The following JMJD1C variants were observed in gnomAD, a reference collection of about 807,000 sequenced individuals.
JMJD1C encodes the protein jumonji domain-containing protein 1C.
A neutral mutation model predicts 245.3 loss-of-function variants in JMJD1C; 31 were observed. That is an observed-to-expected ratio of 0.13 (90% CI 0.09 to 0.17). The LOEUF (loss-of-function observed/expected upper bound fraction) is 0.17, where lower values mean the gene tolerates loss of function less well. Ranked by LOEUF, JMJD1C falls within the 10% of genes least tolerant of loss-of-function variation. The pLI is 1.00. For synonymous variants in JMJD1C, 1,057 were observed against 1,017.4 expected, an observed-to-expected ratio of 1.04 and a Z score of -0.74; for missense variants, 2,691 against 3,000.2, an observed-to-expected ratio of 0.90 and a Z score of 2.41.
Position 63,209,221 on chromosome 10 carries a change from A to C in JMJD1C, c.2709T>G (p.Pro903=). Residue 903 remains proline (P), a synonymous_variant, in exon 9 of 26, where the codon CCT becomes CCG. Transcript: ENST00000399262. ...EASLRRNSPS[P]WLHQPTPVTS... ...TCACAGGGGTGGGCTGATGTAGCCA[A>C]GGACTGGGAGAATTCTATTAACAAA... is the stretch of plus-strand genomic sequence containing the variant. 1.9e-6 allele frequency: 3 copies of C among 1,601,154 alleles called. No individual in the cohort carries two copies. Among genetic ancestry groups the C allele is most frequent in the Non-Finnish European group, 2.6e-6 (3 of 1,175,514 alleles).
intron 10 of JMJD1C, 74 bp from the exon 11 acceptor site, chr10:63,200,751 G>T: frequency 7.8e-7 from 1 of 1,285,886 alleles, no homozygotes; most frequent in Non-Finnish European, 1.1e-6. Flanking sequence ...TGAAATTCAA[G>T]TCAGTTATAC....
rs959226169 is a variant in JMJD1C at position 63,407,000 on chromosome 10, GA to G, written c.169-26519del. On this transcript the variant is annotated intron_variant, in intron 1 of 25. Transcript: ENST00000399262. The stretch of plus-strand genomic sequence containing the variant: ...AAAACCAGTGGTAGCTAACTTAGTG[GA>G]AAAAAAAAGAAGCTTAATCTAAAGC... Among the ~76,000 whole-genome samples, 6 of 151,036 alleles carry G rather than the reference GA, an allele frequency of 4.0e-5. No individual in the cohort carries two copies. The East Asian group carries it at 5.8e-4, about 15-fold the overall frequency.
At chr10:63,187,819 T>G (rs1490818751) in intron 18 of JMJD1C, among the ~76,000 whole-genome samples, 1 of 152,206 alleles carries the variant, frequency 6.6e-6, no homozygotes, top group African/African-American at 2.4e-5. Context: ...TTGCTGTCAG[T>G]TATTATAAAA....
Position 63,207,269 on chromosome 10 carries a change from A to G in JMJD1C, c.4400T>C (p.Val1467Ala). 2 of 1,613,898 alleles carry G rather than the reference A, an allele frequency of 1.2e-6. No homozygotes were observed. The highest frequency in any genetic ancestry group is 1.7e-6 in the Non-Finnish European group (2 of 1,180,012). The part of the protein sequence containing the change: ...TLASSKTGSV[V>A]QPSSGFSGTT... Reference sequence around the variant, plus strand: ...GCCTGAGAACCCAGAACTGGGTTGAACAACACTTCCTGTCTTACTACTGGC... The same window carrying G: ...GCCTGAGAACCCAGAACTGGGTTGAGCAACACTTCCTGTCTTACTACTGGC... The change falls in exon 10 of 26, where the codon GTT becomes GCT. Residue 1467 changes from valine to alanine, a missense_variant. By Grantham distance (64) the Val-to-Ala change is moderately conservative (BLOSUM62 0). Coordinates refer to ENST00000399262, the MANE Select transcript of JMJD1C (RefSeq NM_032776.3).
At chr10:63,396,488 A>G (rs953946124) in intron 1 of JMJD1C, among the ~76,000 whole-genome samples, 3 of 152,230 alleles carry the variant, frequency 2.0e-5, no homozygotes, top group Non-Finnish European at 2.9e-5. Context: ...GAAAGCAGCT[A>G]TAGAAACGCT....
rs759459088 is a variant in JMJD1C, at chr10:63,207,016, T to C, written c.4653A>G (p.Lys1551=). The C allele has an allele frequency of 5.0e-6, 8 of 1,613,974 alleles. No homozygotes were observed. In the South Asian group the frequency reaches 6.6e-5, roughly 13 times the overall value. ...CTGAGTGTCTGGTGAGCCAGGCCTTTTTCAGTTTAGTATGGTAGTTTGGTT... is the reference window on the plus strand; with the variant it reads ...CTGAGTGTCTGGTGAGCCAGGCCTTCTTCAGTTTAGTATGGTAGTTTGGTT... ...TSQPNYHTKL[K]KAWLTRHSEE... is the part of the protein sequence containing the mutation. The change falls in exon 10 of 26, where the codon AAA becomes AAG. Residue 1551 remains lysine (K), a synonymous_variant. Coordinates refer to ENST00000399262, the MANE Select transcript of JMJD1C (RefSeq NM_032776.3).
chr10:63,176,684 T>C (rs1271516775), intron 23 of JMJD1C: 1 of 489,462 alleles, frequency 2.0e-6, no homozygotes, highest in Non-Finnish European at 3.6e-6. Context: ...TGAAATGCTC[T>C]TAACAGTTTA....
At chr10:63,183,664 T>G in intron 21 of JMJD1C, 95 bp from the exon 22 acceptor site, 1 of 678,760 alleles carries the variant, frequency 1.5e-6, no homozygotes, top group South Asian at 3.5e-5. Context: ...CTGCATAATT[T>G]AATTGTAATT....
intron 8 of JMJD1C, among the ~76,000 whole-genome samples, chr10:63,211,832 A>T (rs1316804985): frequency 1.3e-5 from 2 of 150,338 alleles, no homozygotes; most frequent in Non-Finnish European, 3.0e-5. Flanking sequence ...TCAAAAAAAA[A>T]AAAAAAAAAA....
At chr10:63,356,249 A>C (rs12261595) in intron 2 of JMJD1C, among the ~76,000 whole-genome samples, 1 of 152,196 alleles carries the variant, frequency 6.6e-6, no homozygotes, top group African/African-American at 2.4e-5. Context: ...CTTTACCTAC[A>C]AACACAACGT....
In JMJD1C at chr10:63,203,021, A is replaced by G. The variant is rs571298670; in HGVS notation, c.5075-2344T>C. 5 of 985,160 alleles carry G rather than the reference A, an allele frequency of 5.1e-6. No individual in the cohort carries two copies. In the South Asian group the frequency reaches 1.9e-4, roughly 37 times the overall value. 61.0% of individuals were successfully genotyped at this position (985,160 alleles called of 1,614,324 possible). A position where few individuals can be genotyped will look rare whatever the true frequency, so the allele number is the denominator to read the frequency against. On this transcript the variant is annotated intron_variant, in intron 10 of 25. Coordinates refer to ENST00000399262, the MANE Select transcript of JMJD1C (RefSeq NM_032776.3). ...GAACAACTCAGATAGTACTATAGTA[A>G]AGAATCAGACATTTCAAAGCAAATC...
At chr10:63,328,598 T>C (rs1486234533) in intron 2 of JMJD1C, among the ~76,000 whole-genome samples, 1 of 152,220 alleles carries the variant, frequency 6.6e-6, no homozygotes, top group Non-Finnish European at 1.5e-5. Flanking sequence ...ATTTGCAACA[T>C]ACACATACAT....
chr10:63,472,472 A>G (rs2133155019), intron 1 of JMJD1C, among the ~76,000 whole-genome samples: 1 of 152,078 alleles, frequency 6.6e-6, no homozygotes, highest in East Asian at 1.9e-4. Context: ...GCTGGAATTA[A>G]AGGCATGTGC....
chr10:63,462,024 G>C (rs1381348201), intron 1 of JMJD1C, among the ~76,000 whole-genome samples: 2 of 152,014 alleles, frequency 1.3e-5, no homozygotes, highest in African/African-American at 4.8e-5. Context: ...TCAAAAAGTA[G>C]AACAGCAGTA....
At chr10:63,290,409 A>C (rs527977101) in intron 2 of JMJD1C, among the ~76,000 whole-genome samples, 47 of 152,192 alleles carry the variant, frequency 3.1e-4, no homozygotes, top group Non-Finnish European at 5.9e-4. Context: ...TCCCTATTAA[A>C]AATTAGTCAG....
At chr10:63,205,613 G>A (rs973714761) in intron 10 of JMJD1C, among the ~76,000 whole-genome samples, 1 of 152,126 alleles carries the variant, frequency 6.6e-6, no homozygotes, top group Non-Finnish European at 1.5e-5. Flanking sequence ...TGCAAATATA[G>A]TCATACACTA....
At chr10:63,511,747 G>A (rs1954879192) in intron 1 of JMJD1C, among the ~76,000 whole-genome samples, 1 of 152,010 alleles carries the variant, frequency 6.6e-6, no homozygotes, top group Non-Finnish European at 1.5e-5. Context: ...AGTATTTGTG[G>A]GATGTGAAAA....
intron 22 of JMJD1C, among the ~76,000 whole-genome samples, chr10:63,182,345 CAG>C (rs1166257822): frequency 2.0e-5 from 3 of 152,172 alleles, no homozygotes; most frequent in African/African-American, 4.8e-5. Context: ...TCATTATAGA[CAG>C]GGGTGAGTAA....
intron 2 of JMJD1C, among the ~76,000 whole-genome samples, chr10:63,340,805 C>T (rs1366879863): frequency 1.3e-5 from 2 of 151,818 alleles, no homozygotes; most frequent in Admixed American, 1.3e-4. Flanking sequence ...ATTGGCTGGG[C>T]GTGGTGGCAG....
Sources: allele counts gnomAD v4.1 joint callset (sites outside exome capture counted in the v4.1 genomes callset), GRCh38; gene constraint gnomAD v4.1.1; transcripts MANE v1.5; gene names NCBI Gene and HGNC (gene_info 2026-07-23, HGNC 2026-07-21).